The following RANBP2 variants were observed in gnomAD, a reference collection of about 807,000 sequenced individuals.
RANBP2 encodes RAN binding protein 2, also known as E3 SUMO-protein ligase RanBP2.
Under a neutral mutation model 303.6 loss-of-function variants are expected in RANBP2, and 57 were observed. That is an observed-to-expected ratio of 0.19 (90% CI 0.15 to 0.23). RANBP2 has a LOEUF of 0.23. Among genes scored for constraint, RANBP2 ranks in the 10% least tolerant of loss-of-function variants. The pLI is 1.00. For missense variants in RANBP2, 3,138 were observed against 3,780.8 expected, an observed-to-expected ratio of 0.83 and a Z score of 4.46; for synonymous variants, 1,167 against 1,301.5, an observed-to-expected ratio of 0.90 and a Z score of 2.23.
intron 27 of RANBP2, 48 bp downstream of exon 27, chr2:108,782,449 A>G (rs1678320752): frequency 1.2e-6 from 2 of 1,613,788 alleles, no homozygotes; most frequent in East Asian, 4.5e-5. Context: ...GGACTTTTCT[A>G]AAATCTATAA....
the RANBP2 span, among the ~76,000 whole-genome samples, chr2:109,115,117 G>C: frequency 6.6e-6 from 1 of 152,192 alleles, no homozygotes; most frequent in Non-Finnish European, 1.5e-5. Context: ...CTGTTGATTT[G>C]GGGTGGAGAC....
At chr2:108,897,198 G>A in the RANBP2 span, 1,310,602 of 1,613,426 alleles carry the variant, frequency 0.81, 539,086 homozygotes, top group East Asian at 0.91. Flanking sequence ...TCTTCTCGAG[G>A]CAATCAAATG....
the RANBP2 span, among the ~76,000 whole-genome samples, chr2:109,199,592 T>TCAACCCGAGTGCA: frequency 7.4e-3 from 1 of 136 alleles, no homozygotes; most frequent in South Asian, 0.25. Flanking sequence ...TGGAATGGAA[T>TCAACCCGAGTGCA]GGAATGGAAT....
At chr2:109,042,500 C>G in the RANBP2 span, among the ~76,000 whole-genome samples, 1 of 152,142 alleles carries the variant, frequency 6.6e-6, no homozygotes, top group South Asian at 2.1e-4. Flanking sequence ...CAGTGCTTTT[C>G]TCTCTAACCC....
At chr2:109,387,867 G>C in the RANBP2 span, among the ~76,000 whole-genome samples, 2 of 150,672 alleles carry the variant, frequency 1.3e-5, no homozygotes, top group South Asian at 4.2e-4. Context: ...TTGGGGGGGG[G>C]GTCTCCTCCC....
chr2:109,687,583 C>T, the RANBP2 span, among the ~76,000 whole-genome samples: 2 of 152,118 alleles, frequency 1.3e-5, no homozygotes, highest in Admixed American at 6.5e-5. Flanking sequence ...TGGCTCTCCT[C>T]GACCACAGTA....
chr2:109,611,772 T>C, the RANBP2 span, among the ~76,000 whole-genome samples: 1 of 152,056 alleles, frequency 6.6e-6, no homozygotes, highest in Non-Finnish European at 1.5e-5. Flanking sequence ...CAAGTTAAAA[T>C]CACCATGAGG....
chr2:109,065,062 G>A, the RANBP2 span, among the ~76,000 whole-genome samples: 1 of 152,128 alleles, frequency 6.6e-6, no homozygotes. Flanking sequence ...TGAGACTTAG[G>A]TTCAGGAGTC....
At chr2:108,984,805 T>C in the RANBP2 span, among the ~76,000 whole-genome samples, 1,079 of 152,270 alleles carry the variant, frequency 7.1e-3, 9 homozygotes, top group South Asian at 0.028. Flanking sequence ...ACTGTGTTAC[T>C]CACTACATCC....
chr2:109,650,776 C>A, the RANBP2 span, among the ~76,000 whole-genome samples: 1 of 152,142 alleles, frequency 6.6e-6, no homozygotes, highest in African/African-American at 2.4e-5. Flanking sequence ...GCTAAACGTG[C>A]CTTTTGCCTT....
the RANBP2 span, among the ~76,000 whole-genome samples, chr2:109,046,678 C>T: frequency 4.6e-5 from 7 of 152,134 alleles, no homozygotes; most frequent in African/African-American, 1.7e-4. Context: ...CCTGCCCGGT[C>T]ATGTATAGCA....
chr2:109,689,684 C>T, the RANBP2 span, among the ~76,000 whole-genome samples: 1 of 152,098 alleles, frequency 6.6e-6, no homozygotes, highest in African/African-American at 2.4e-5. Context: ...TTCCTTCTGC[C>T]AAACGCTCTC....
chr2:109,101,534 A>G, the RANBP2 span, among the ~76,000 whole-genome samples: 1 of 152,164 alleles, frequency 6.6e-6, no homozygotes, highest in Non-Finnish European at 1.5e-5. Context: ...TCTCAAAAAA[A>G]CAAAACAAAA....
chr2:109,163,548 G>A, the RANBP2 span, among the ~76,000 whole-genome samples: 3 of 150,676 alleles, frequency 2.0e-5, no homozygotes, highest in Non-Finnish European at 4.4e-5. Context: ...ACAGGCGCCC[G>A]CCACTACGCC....
chr2:108,730,668 T>C, intron 2 of RANBP2, 106 bp from the exon 3 acceptor site: 7 of 1,414,336 alleles, frequency 4.9e-6, no homozygotes, highest in Non-Finnish European at 6.9e-6. Context: ...TGAGTAACAA[T>C]ATAAACGAGT....
chr2:109,053,922 G>A, the RANBP2 span, among the ~76,000 whole-genome samples: 4 of 152,010 alleles, frequency 2.6e-5, no homozygotes, highest in Non-Finnish European at 4.4e-5. Flanking sequence ...GCGCAGTCCA[G>A]AGGGCACCAG....
the RANBP2 span, among the ~76,000 whole-genome samples, chr2:108,950,518 G>A: frequency 6.6e-6 from 1 of 152,190 alleles, no homozygotes; most frequent in East Asian, 1.9e-4. Context: ...ATCAACCAGG[G>A]AAGCACAAGA....
the RANBP2 span, among the ~76,000 whole-genome samples, chr2:108,841,371 T>C: frequency 6.6e-6 from 1 of 152,194 alleles, no homozygotes; most frequent in Non-Finnish European, 1.5e-5. Flanking sequence ...TTGAAGTCTC[T>C]GGCTATAATT....
the RANBP2 span, among the ~76,000 whole-genome samples, chr2:108,956,840 G>A: frequency 1.3e-5 from 2 of 151,542 alleles, no homozygotes; most frequent in African/African-American, 4.9e-5. Context: ...CCAGGCTACA[G>A]TGCAATGGCA....
Sources: allele counts gnomAD v4.1 joint callset (sites outside exome capture counted in the v4.1 genomes callset), GRCh38; gene constraint gnomAD v4.1.1; transcripts MANE v1.5; gene names NCBI Gene and HGNC (gene_info 2026-07-23, HGNC 2026-07-21).